GDPD1: variants seen among roughly 807,000 people sequenced by gnomAD.
GDPD1 encodes the protein lysophospholipase D GDPD1.
In GDPD1, 28 loss-of-function variants were observed where a neutral mutation model predicts 45.1. That is an observed-to-expected ratio of 0.62 (90% CI 0.46 to 0.85). The LOEUF (loss-of-function observed/expected upper bound fraction) is 0.85. Ranked by LOEUF, GDPD1 falls within the 40% of genes least tolerant of loss-of-function variation. GDPD1 has a pLI of 0.00. For missense variants in GDPD1, 256 were observed against 364.8 expected, an observed-to-expected ratio of 0.70 and a Z score of 2.43; for synonymous variants, 139 against 131.4, an observed-to-expected ratio of 1.06 and a Z score of -0.40.
At chr17:59,228,700 T>C (rs1395767085) in intron 1 of GDPD1, among the ~76,000 whole-genome samples, 3 of 150,142 alleles carry the variant, frequency 2.0e-5, no homozygotes, top group African/African-American at 7.4e-5. Flanking sequence ...CTGGGCAACA[T>C]AGTAAGACCC....
chr17:59,255,959 G>T (rs1297214333), intron 4 of GDPD1, among the ~76,000 whole-genome samples: 1 of 148,388 alleles, frequency 6.7e-6, no homozygotes, highest in African/African-American at 2.5e-5. Context: ...GTGGGAGGCC[G>T]CAGTGAGCCA....
intron 1 of GDPD1, 76 bp from the exon 2 acceptor site, chr17:59,234,416 A>G: frequency 1.3e-6 from 1 of 764,502 alleles, no homozygotes; most frequent in Non-Finnish European, 2.2e-6. Flanking sequence ...AAGATTCATT[A>G]GGTGTATTTT....
intron 1 of GDPD1, among the ~76,000 whole-genome samples, chr17:59,232,219 A>G (rs2047096126): frequency 6.6e-6 from 1 of 152,054 alleles, no homozygotes; most frequent in Non-Finnish European, 1.5e-5. Flanking sequence ...TTGGGAGGCC[A>G]AGGCGGGCGG....
chr17:59,225,713 ATTTAT>A (rs2147872672), intron 1 of GDPD1, among the ~76,000 whole-genome samples: 2 of 152,054 alleles, frequency 1.3e-5, no homozygotes, highest in East Asian at 3.9e-4. Flanking sequence ...TTGATTCAAA[ATTTAT>A]TTTATTTTAT....
intron 4 of GDPD1, among the ~76,000 whole-genome samples, chr17:59,251,698 T>C (rs890545425): frequency 6.6e-6 from 1 of 151,424 alleles, no homozygotes; most frequent in African/African-American, 2.4e-5. Flanking sequence ...AACAGACTAA[T>C]AAACCGTGTG....
chr17:59,245,453 C>T lies in GDPD1; in HGVS notation c.225C>T (p.Cys75=), dbSNP rs149827411. The T allele has an allele frequency of 1.4e-5, 22 of 1,609,260 alleles. No individual in the cohort carries two copies. The African/African-American group carries it at 2.1e-4, about 16-fold the overall frequency. The part of the protein sequence containing the change: ...KIGTDMLELD[C]HITKDEQVVV... ...GAACTGATATGCTAGAATTGGACTG[C>T]CATATCACAAAAGATGAACAAGTTG... The change falls in exon 3 of 10, where the codon TGC becomes TGT. Residue 75 remains cysteine, a synonymous_variant. Coordinates refer to ENST00000284116, the MANE Select transcript of GDPD1 (RefSeq NM_182569.4).
chr17:59,254,466 G>A (rs1356916543), intron 4 of GDPD1, among the ~76,000 whole-genome samples: 2 of 152,014 alleles, frequency 1.3e-5, no homozygotes, highest in African/African-American at 4.8e-5. Context: ...GGAGTTCAAG[G>A]CTGCTGTGAG....
intron 1 of GDPD1, among the ~76,000 whole-genome samples, chr17:59,222,505 C>CTTATTTTTTTTTTT (rs1941394558): frequency 2.4e-5 from 1 of 41,754 alleles, no homozygotes; most frequent in Non-Finnish European, 4.6e-5. Flanking sequence ...AGTGCCCAGC[C>CTTATTTTTTTTTTT]TTTTTTTTTT....
At chr17:59,234,581 G>T in intron 2 of GDPD1, 47 bp downstream of exon 2, 3 of 1,285,712 alleles carry the variant, frequency 2.3e-6, no homozygotes, top group Non-Finnish European at 3.4e-6. Flanking sequence ...TTTACAGTTT[G>T]CAGGCTTTCT....
intron 4 of GDPD1, among the ~76,000 whole-genome samples, chr17:59,255,872 TATACACACAC>T (rs1203891617): frequency 1.0e-4 from 5 of 48,552 alleles, no homozygotes; most frequent in African/African-American, 9.9e-4. Flanking sequence ...TATATATATA[TATACACACAC>T]ACACACACAC....
Position 59,267,047 on chromosome 17 carries a change from G to C in GDPD1, c.583G>C (p.Asp195His). 1.2e-6 allele frequency: 2 copies of C among 1,607,464 alleles called. No individual in the cohort carries two copies. The highest frequency in any genetic ancestry group is 1.7e-6 in the Non-Finnish European group (2 of 1,176,604). ...TATTGCTTGTGTCTTTTAGAATTCAGATATTCCTATACTCTTCAGTCTACA... is the reference window on the plus strand; with the variant it reads ...TATTGCTTGTGTCTTTTAGAATTCACATATTCCTATACTCTTCAGTCTACA... The part of the protein sequence containing the change: ...IVEKCYKENS[D>H]IPILFSLQRV... The change falls in exon 7 of 10, where the codon GAT becomes CAT. Residue 195 changes from aspartate to histidine, a missense_variant. Asp to His is a moderately conservative substitution (Grantham distance 81). Transcript: ENST00000284116.
chr17:59,263,351 A>G lies in GDPD1; in HGVS notation c.577-3690A>G, dbSNP rs527698651. Among the ~76,000 whole-genome samples, 5 of 152,198 alleles carry G rather than the reference A, an allele frequency of 3.3e-5. No individual in the cohort carries two copies. The East Asian group carries it at 9.7e-4, about 29-fold the overall frequency. On this transcript the variant is annotated intron_variant, in intron 6 of 9. Transcript: ENST00000284116. ...ATAAAAGGCTCACTTTTGGCCTGTAATCATAGAACTTTTCCCTTGATTTCC... is the reference window on the plus strand; with the variant it reads ...ATAAAAGGCTCACTTTTGGCCTGTAGTCATAGAACTTTTCCCTTGATTTCC...
chr17:59,246,725 A>G (rs2047214759), intron 3 of GDPD1, among the ~76,000 whole-genome samples: 1 of 150,242 alleles, frequency 6.7e-6, no homozygotes, highest in Admixed American at 6.6e-5. Context: ...AAAAAAAAAA[A>G]AAAAAAAGAA....
At chr17:59,249,774 A>C (rs2047239376) in intron 4 of GDPD1, among the ~76,000 whole-genome samples, 1 of 152,212 alleles carries the variant, frequency 6.6e-6, no homozygotes, top group Non-Finnish European at 1.5e-5. Context: ...TAAAACCAAA[A>C]GATGTTACAT....
intron 1 of GDPD1, among the ~76,000 whole-genome samples, chr17:59,221,096 AG>A (rs1040435461): frequency 4.6e-5 from 7 of 151,978 alleles, no homozygotes; most frequent in African/African-American, 1.7e-4. Flanking sequence ...CAAGACACAA[AG>A]GGGGAGCGCC....
intron 8 of GDPD1, among the ~76,000 whole-genome samples, chr17:59,271,457 T>G (rs1162088336): frequency 6.6e-6 from 1 of 152,146 alleles, no homozygotes; most frequent in Non-Finnish European, 1.5e-5. Context: ...AACTTTAAAG[T>G]AAATGCCTTA....
chr17:59,246,190 CATA>C (rs1487334558), intron 3 of GDPD1, among the ~76,000 whole-genome samples: 2 of 152,014 alleles, frequency 1.3e-5, no homozygotes, highest in African/African-American at 4.8e-5. Flanking sequence ...AAAAATCATG[CATA>C]ATGTTACTGC....
At chr17:59,260,060 CAAAAAAAAAAAAAAAAAAAAAA>C (rs56936442) in intron 6 of GDPD1, among the ~76,000 whole-genome samples, 25 of 25,852 alleles carry the variant, frequency 9.7e-4, no homozygotes, top group East Asian at 3.0e-3. Flanking sequence ...GACCCTGTCT[CAAAAAAAAAAAAAAAAAAAAAA>C]AAAAAAAAAA....
At chr17:59,261,289 A>G (rs2047353624) in intron 6 of GDPD1, among the ~76,000 whole-genome samples, 1 of 152,066 alleles carries the variant, frequency 6.6e-6, no homozygotes, top group Non-Finnish European at 1.5e-5. Flanking sequence ...TTTTATGTGC[A>G]GCAGGGGCTG....
Sources: gnomAD v4.1 joint callset for allele counts (sites outside exome capture counted in the v4.1 genomes callset) on GRCh38, gnomAD v4.1.1 for gene constraint, MANE v1.5 for transcripts, NCBI Gene and HGNC (gene_info 2026-07-23, HGNC 2026-07-21) for gene names.